UTP18: variants seen among roughly 807,000 people sequenced by gnomAD.
The protein encoded by UTP18 is UTP18 small subunit processome component.
Under a neutral mutation model 61.1 loss-of-function variants are expected in UTP18, and 36 were observed. The observed-to-expected ratio is 0.59, with a 90% CI of 0.45 to 0.78. UTP18 has a LOEUF of 0.78. UTP18 is among the 30% of genes least tolerant of loss of function. UTP18 has a pLI of 0.00. For synonymous variants in UTP18, 282 were observed against 251.1 expected (o/e 1.12, Z -1.16); for missense variants, 753 against 693.9 (o/e 1.09, Z -0.96).
At position 51,260,934 on chromosome 17, in the gene UTP18, A is replaced by G; in HGVS notation, c.342+8A>G. 1 of 1,538,320 alleles carries G rather than the reference A, an allele frequency of 6.5e-7. No individual in the cohort carries two copies. On this transcript the variant is annotated splice_region_variant and intron_variant, in intron 1 of 13. Transcript: ENST00000225298. ...CGTCTGCGAGGCCCGAGGGTGAGGG[A>G]GGCCGCGGCGCGCGGGCTGGGCGCA...
At position 51,260,959 on chromosome 17, in the gene UTP18, A is replaced by G. The variant is rs543452075; in HGVS notation, c.342+33A>G. 103 of 1,457,982 alleles carry G rather than the reference A, an allele frequency of 7.1e-5. 1 individual carries two copies. The highest frequency in any genetic ancestry group is 9.1e-5 in the Non-Finnish European group (101 of 1,109,814). The allele number at this position is 1,457,982 out of a possible 1,614,324, so 90.3% of individuals were successfully genotyped here. The stretch of plus-strand genomic sequence containing the variant: ...AGGCCGCGGCGCGCGGGCTGGGCGC[A>G]CTCGGGCGGGGCGCGCGGTGGGCGG... On this transcript the variant is annotated intron_variant, in intron 1 of 13. Coordinates refer to ENST00000225298, the MANE Select transcript of UTP18 (RefSeq NM_016001.3).
intron 2 of UTP18, 58 bp downstream of exon 2, chr17:51,263,444 A>G: frequency 8.0e-7 from 1 of 1,253,358 alleles, no homozygotes; most frequent in Non-Finnish European, 1.1e-6. Flanking sequence ...GTTATTTTGC[A>G]GATTTTAAAA....
chr17:51,265,012 C>G (rs187219095), intron 2 of UTP18, among the ~76,000 whole-genome samples: 1 of 152,016 alleles, frequency 6.6e-6, no homozygotes, highest in East Asian at 1.9e-4. Flanking sequence ...TTTATTATGT[C>G]CTTGTCTATT....
At chr17:51,292,834 C>G (rs927670695) in intron 11 of UTP18, among the ~76,000 whole-genome samples, 1 of 152,176 alleles carries the variant, frequency 6.6e-6, no homozygotes, top group African/African-American at 2.4e-5. Flanking sequence ...CTCATACTTA[C>G]GTCTGGCTTT....
chr17:51,295,304 G>A (rs1193077222), intron 12 of UTP18, among the ~76,000 whole-genome samples: 6 of 151,352 alleles, frequency 4.0e-5, no homozygotes, highest in Non-Finnish European at 5.9e-5. Flanking sequence ...TATTGCCTAG[G>A]TTTTCTTCTA....
At chr17:51,268,580 T>A (rs1904392034) in intron 3 of UTP18, among the ~76,000 whole-genome samples, 1 of 152,192 alleles carries the variant, frequency 6.6e-6, no homozygotes. Flanking sequence ...TGTAACTAGA[T>A]GGAAATAATT....
At chr17:51,271,367 C>T (rs892239058) in intron 4 of UTP18, among the ~76,000 whole-genome samples, 4 of 152,004 alleles carry the variant, frequency 2.6e-5, no homozygotes, top group South Asian at 2.1e-4. Context: ...AGTGCAGTGA[C>T]GTGATCTTGG....
intron 11 of UTP18, among the ~76,000 whole-genome samples, chr17:51,291,159 C>T (rs563241696): frequency 1.5e-4 from 23 of 152,126 alleles, no homozygotes; most frequent in African/African-American, 4.3e-4. Flanking sequence ...TTTGTGAGGC[C>T]GAGGCAGATG....
intron 4 of UTP18, among the ~76,000 whole-genome samples, chr17:51,269,626 C>T (rs1197685291): frequency 6.6e-6 from 1 of 152,062 alleles, no homozygotes; most frequent in Non-Finnish European, 1.5e-5. Context: ...TGTTAGTCCT[C>T]ATGGTACGTA....
At chr17:51,278,957 G>A (rs183796206) in intron 7 of UTP18, among the ~76,000 whole-genome samples, 141 of 152,300 alleles carry the variant, frequency 9.3e-4, no homozygotes, top group Non-Finnish European at 1.1e-3. Flanking sequence ...TGGGAGACAG[G>A]ACTAGAGTGG....
chr17:51,262,908 A>G (rs1391916016), intron 1 of UTP18, among the ~76,000 whole-genome samples: 3 of 152,146 alleles, frequency 2.0e-5, no homozygotes, highest in Non-Finnish European at 4.4e-5. Context: ...GAAAATGGAG[A>G]TATCTTTGAC....
chr17:51,277,339 T>TC (rs1279005841), intron 7 of UTP18, 35 bp downstream of exon 7: 3 of 1,607,368 alleles, frequency 1.9e-6, no homozygotes, highest in East Asian at 2.2e-5. Flanking sequence ...AACCAGTCAT[T>TC]CCCCCCAAGG....
At chr17:51,276,727 A>T (rs1363836881) in intron 6 of UTP18, among the ~76,000 whole-genome samples, 2 of 152,200 alleles carry the variant, frequency 1.3e-5, no homozygotes, top group Non-Finnish European at 2.9e-5. Context: ...TGGATAGGGT[A>T]TCCCAGTTTT....
chr17:51,265,210 CAGAG>C (rs945303902), intron 2 of UTP18, among the ~76,000 whole-genome samples: 1 of 151,208 alleles, frequency 6.6e-6, no homozygotes, highest in African/African-American at 2.4e-5. Context: ...AAGTAGTTAA[CAGAG>C]AGAGACAAAT....
intron 7 of UTP18, among the ~76,000 whole-genome samples, chr17:51,279,176 AG>A (rs1904829033): frequency 6.6e-6 from 1 of 152,240 alleles, no homozygotes; most frequent in Admixed American, 6.5e-5. Context: ...ATGAATGGAT[AG>A]TGAAAACTCT....
intron 12 of UTP18, among the ~76,000 whole-genome samples, chr17:51,295,477 TTTTGTCAGG>T (rs1905344507): frequency 6.6e-6 from 1 of 152,228 alleles, no homozygotes; most frequent in Non-Finnish European, 1.5e-5. Flanking sequence ...CATTTTTTGT[TTTTGTCAGG>T]TTTGTCAAAG....
At chr17:51,278,293 T>C (rs1375116692) in intron 7 of UTP18, among the ~76,000 whole-genome samples, 1 of 152,180 alleles carries the variant, frequency 6.6e-6, no homozygotes, top group Non-Finnish European at 1.5e-5. Context: ...TTTCTGATTC[T>C]CTCAGGTGAT....
intron 1 of UTP18, among the ~76,000 whole-genome samples, chr17:51,262,546 A>G (rs924467365): frequency 2.6e-5 from 4 of 152,036 alleles, no homozygotes; most frequent in African/African-American, 4.8e-5. Flanking sequence ...CCCTTTTGCT[A>G]ATAGTAACTG....
chr17:51,281,794 AG>A (rs1904936217), intron 9 of UTP18, among the ~76,000 whole-genome samples: 1 of 152,250 alleles, frequency 6.6e-6, no homozygotes, highest in Non-Finnish European at 1.5e-5. Context: ...TGAATCTAAA[AG>A]GCATAATTTT....
Sources: gnomAD v4.1 joint callset for allele counts (sites outside exome capture counted in the v4.1 genomes callset) on GRCh38, gnomAD v4.1.1 for gene constraint, MANE v1.5 for transcripts, NCBI Gene and HGNC (gene_info 2026-07-23, HGNC 2026-07-21) for gene names.